The following PTPN4 variants were observed in gnomAD, a reference collection of about 807,000 sequenced individuals.
PTPN4 encodes protein tyrosine phosphatase non-receptor type 4.
In PTPN4, 49 loss-of-function variants were observed where a neutral mutation model predicts 135.5. The ratio of observed to expected loss-of-function variants is 0.36; its 90% CI spans 0.29 to 0.46. The LOEUF is 0.46. PTPN4 is among the 20% of genes least tolerant of loss of function. PTPN4 has a pLI of 1.00. For synonymous variants in PTPN4, 333 were observed against 369.9 expected, an observed-to-expected ratio of 0.90 and a Z score of 1.14; for missense variants, 860 against 1,101.0, an observed-to-expected ratio of 0.78 and a Z score of 3.10.
In PTPN4 at chr2:119,914,847, T is replaced by C. The variant is rs536162377; in HGVS notation, c.765-332T>C. Among the ~76,000 whole-genome samples, 18 of 152,314 alleles carry C rather than the reference T, an allele frequency of 1.2e-4. No individual in the cohort carries two copies. In the East Asian group the frequency reaches 3.5e-3, roughly 29 times the overall value. On this transcript the variant is annotated intron_variant, in intron 10 of 26. Coordinates refer to ENST00000263708, the MANE Select transcript of PTPN4 (RefSeq NM_002830.4). ...AAAATTAAAAGTGTTTTTAGGGTTG[T>C]TGCATAAAGTAATGAAATCTTACAT...
intron 18 of PTPN4, among the ~76,000 whole-genome samples, chr2:119,948,124 C>T (rs1193191238): frequency 6.6e-6 from 1 of 151,758 alleles, no homozygotes; most frequent in Non-Finnish European, 1.5e-5. Flanking sequence ...AGAGATAATC[C>T]AAAATTATTT....
At chr2:119,787,103 A>T (rs1404592291) in intron 1 of PTPN4, among the ~76,000 whole-genome samples, 1 of 152,142 alleles carries the variant, frequency 6.6e-6, no homozygotes, top group Non-Finnish European at 1.5e-5. Context: ...ACACGTGTGC[A>T]TGTGTGTGCA....
chr2:119,772,686 C>T (rs1574325346), intron 1 of PTPN4, among the ~76,000 whole-genome samples: 2 of 152,112 alleles, frequency 1.3e-5, no homozygotes, highest in Non-Finnish European at 2.9e-5. Flanking sequence ...TACAGGCTCA[C>T]GCCACCACAC....
At chr2:119,926,460 CTT>C in intron 12 of PTPN4, 136 bp from the exon 13 acceptor site, 1 of 509,176 alleles carries the variant, frequency 2.0e-6, no homozygotes, top group Non-Finnish European at 3.4e-6. Context: ...GTTGTCCAGT[CTT>C]TTTATTCTCT....
At chr2:119,965,839 A>G (rs1394091277) in intron 25 of PTPN4, among the ~76,000 whole-genome samples, 194 bp downstream of exon 25, 2 of 152,218 alleles carry the variant, frequency 1.3e-5, no homozygotes, top group Admixed American at 6.5e-5. Context: ...ATATAAAAAT[A>G]ATACTGATTG....
At chr2:119,784,345 G>A (rs1471197121) in intron 1 of PTPN4, among the ~76,000 whole-genome samples, 1 of 135,804 alleles carries the variant, frequency 7.4e-6, no homozygotes, top group Non-Finnish European at 1.5e-5. Flanking sequence ...CTACCACCAA[G>A]TAGCTGGGGC....
At position 119,957,008 on chromosome 2, in the gene PTPN4, T is replaced by G. The variant is rs1008244464; in HGVS notation, c.2072-8T>G. 1.2e-6 allele frequency: 2 copies of G among 1,608,704 alleles called. No homozygotes were observed. The highest frequency in any genetic ancestry group is 1.7e-6 in the Non-Finnish European group (2 of 1,178,014). On this transcript the variant is annotated splice_region_variant and splice_polypyrimidine_tract_variant and intron_variant, in intron 21 of 26. Coordinates refer to ENST00000263708, the MANE Select transcript of PTPN4 (RefSeq NM_002830.4). Reference sequence around the variant, plus strand: ...TACTAAAACATTATTTCTTTTAAATTTTTTTAGATGATGCCACACGGGTCA... The same window carrying G: ...TACTAAAACATTATTTCTTTTAAATGTTTTTAGATGATGCCACACGGGTCA...
intron 3 of PTPN4, among the ~76,000 whole-genome samples, chr2:119,868,233 T>C (rs879801966): frequency 2.6e-5 from 4 of 152,158 alleles, no homozygotes; most frequent in Admixed American, 6.5e-5. Flanking sequence ...CACAATGAAG[T>C]AGTACTTCCT....
intron 1 of PTPN4, among the ~76,000 whole-genome samples, chr2:119,793,361 A>G (rs947608895): frequency 2.6e-5 from 4 of 152,124 alleles, no homozygotes; most frequent in Non-Finnish European, 5.9e-5. Context: ...GTTAGACCTA[A>G]TGGTTATCTC....
intron 2 of PTPN4, among the ~76,000 whole-genome samples, chr2:119,830,688 G>C (rs545773978): frequency 5.7e-4 from 86 of 152,116 alleles, no homozygotes; most frequent in African/African-American, 2.0e-3. Flanking sequence ...AGCTGGTCTC[G>C]AGCTCCTGAC....
At chr2:119,768,657 C>T (rs1037632488) in intron 1 of PTPN4, among the ~76,000 whole-genome samples, 2 of 152,190 alleles carry the variant, frequency 1.3e-5, no homozygotes, top group African/African-American at 4.8e-5. Flanking sequence ...CTTATTTGCT[C>T]AATCCCCTTG....
At chr2:119,844,575 G>A (rs1677454659) in intron 2 of PTPN4, among the ~76,000 whole-genome samples, 1 of 149,852 alleles carries the variant, frequency 6.7e-6, no homozygotes, top group Non-Finnish European at 1.5e-5. Flanking sequence ...CTCCCAGACG[G>A]GGTCTCGGCC....
chr2:119,984,866 AT>A lies in PTPN4; in HGVS notation c.*7798del, dbSNP rs1309283574. Reference sequence around the variant, plus strand: ...CTCTAGCTATGACTCTTAATGTTCAATTGCAAAATAAAGATGTGCTTTAGTA... The same window carrying A: ...CTCTAGCTATGACTCTTAATGTTCAATGCAAAATAAAGATGTGCTTTAGTA... On this transcript the variant is annotated 3_prime_UTR_variant, in exon 27 of 27. Coordinates refer to ENST00000263708, the MANE Select transcript of PTPN4 (RefSeq NM_002830.4). Among the ~76,000 whole-genome samples the A allele has an allele frequency of 1.3e-5, 2 of 152,362 alleles. No individual in the cohort carries two copies. The highest frequency in any genetic ancestry group is 2.1e-4 in the South Asian group (1 of 4,826).
At chr2:119,921,701 G>T (rs922323530) in intron 12 of PTPN4, among the ~76,000 whole-genome samples, 1 of 151,894 alleles carries the variant, frequency 6.6e-6, no homozygotes, top group Non-Finnish European at 1.5e-5. Flanking sequence ...CAAATAGATG[G>T]AAGGAGAGAG....
At chr2:119,884,603 T>A (rs1678128385) in intron 8 of PTPN4, among the ~76,000 whole-genome samples, 2 of 152,296 alleles carry the variant, frequency 1.3e-5, no homozygotes, top group South Asian at 4.1e-4. Context: ...CATATCAGAA[T>A]CAAGAGTTTG....
intron 1 of PTPN4, among the ~76,000 whole-genome samples, chr2:119,796,050 G>A (rs1336148513): frequency 4.6e-5 from 7 of 152,174 alleles, no homozygotes; most frequent in Non-Finnish European, 7.3e-5. Flanking sequence ...CATGATTGCC[G>A]AGGCTTCGGG....
chr2:119,863,903 G>C (rs1677794877), intron 3 of PTPN4, among the ~76,000 whole-genome samples: 1 of 152,144 alleles, frequency 6.6e-6, no homozygotes, highest in Non-Finnish European at 1.5e-5. Context: ...AAAAATGGAA[G>C]TGAGTAGAAA....
At chr2:119,793,562 G>A (rs1691191671) in intron 1 of PTPN4, among the ~76,000 whole-genome samples, 1 of 152,164 alleles carries the variant, frequency 6.6e-6, no homozygotes, top group Non-Finnish European at 1.5e-5. Flanking sequence ...ACAGACATAG[G>A]AAATTATAAA....
At chr2:119,847,807 A>G (rs28897386) in intron 2 of PTPN4, among the ~76,000 whole-genome samples, 51,913 of 151,996 alleles carry the variant, frequency 0.34, 9,366 homozygotes, top group African/African-American at 0.45. Flanking sequence ...GGAAATGACT[A>G]TCTTTATTTT....
Sources: gnomAD v4.1 joint callset for allele counts (sites outside exome capture counted in the v4.1 genomes callset) on GRCh38, gnomAD v4.1.1 for gene constraint, MANE v1.5 for transcripts, NCBI Gene and HGNC (gene_info 2026-07-23, HGNC 2026-07-21) for gene names.